RNF214: variants seen among roughly 807,000 people sequenced by gnomAD.
RNF214 encodes ring finger protein 214.
RNF214 carries 25 observed loss-of-function variants against 75.9 expected under a neutral mutation model. That is an observed-to-expected ratio of 0.33 (90% CI 0.24 to 0.46). RNF214 has a LOEUF of 0.46. Among genes scored for constraint, RNF214 ranks in the 20% least tolerant of loss-of-function variants. The pLI is 1.00. For synonymous variants in RNF214, 314 were observed against 308.8 expected (o/e 1.02, Z -0.18); for missense variants, 725 against 857.5 (o/e 0.85, Z 1.93).
intron 6 of RNF214, among the ~76,000 whole-genome samples, chr11:117,265,859 T>C (rs1310145767): frequency 2.0e-5 from 3 of 152,256 alleles, no homozygotes; most frequent in Non-Finnish European, 4.4e-5. Flanking sequence ...AGCACATACC[T>C]ATTGCTCTAC....
At chr11:117,237,937 A>G (rs1159493442) in intron 2 of RNF214, among the ~76,000 whole-genome samples, 1 of 152,214 alleles carries the variant, frequency 6.6e-6, no homozygotes, top group African/African-American at 2.4e-5. Context: ...AGAGGAATAA[A>G]AACAATACTT....
intron 6 of RNF214, among the ~76,000 whole-genome samples, chr11:117,278,466 A>G (rs1209905605): frequency 6.6e-6 from 1 of 152,224 alleles, no homozygotes; most frequent in African/African-American, 2.4e-5. Context: ...ATCAAATGTA[A>G]TATAAGGAAA....
At chr11:117,246,681 T>C (rs2033234086) in intron 5 of RNF214, 128 bp from the exon 6 acceptor site, 2 of 997,402 alleles carry the variant, frequency 2.0e-6, no homozygotes, top group South Asian at 2.5e-5. Context: ...AACCACATTC[T>C]TTCAATTCAA....
chr11:117,254,206 G>A (rs561338940), intron 6 of RNF214, among the ~76,000 whole-genome samples: 5 of 151,850 alleles, frequency 3.3e-5, no homozygotes, highest in Admixed American at 6.6e-5. Context: ...CTGAGATCGC[G>A]CCACTGAACT....
intron 6 of RNF214, among the ~76,000 whole-genome samples, chr11:117,276,633 A>T (rs1262137978): frequency 6.6e-6 from 1 of 152,074 alleles, no homozygotes; most frequent in African/African-American, 2.4e-5. Context: ...TTTCTTAACC[A>T]TTTTTGCTAT....
chr11:117,283,728 A>G (rs2034178670), intron 14 of RNF214, among the ~76,000 whole-genome samples: 2 of 152,002 alleles, frequency 1.3e-5, no homozygotes, highest in African/African-American at 4.8e-5. Flanking sequence ...TGGCACGATT[A>G]TAGCTCACTA....
chr11:117,271,503 A>G (rs2033909453), intron 6 of RNF214, among the ~76,000 whole-genome samples: 1 of 152,156 alleles, frequency 6.6e-6, no homozygotes, highest in Non-Finnish European at 1.5e-5. Context: ...GTTTGAAAAC[A>G]TTGTTTCATA....
chr11:117,235,115 GGTAAAAAAGTTTGT>G (rs1406733552), intron 2 of RNF214, among the ~76,000 whole-genome samples: 7 of 152,302 alleles, frequency 4.6e-5, no homozygotes, highest in African/African-American at 1.7e-4. Context: ...AATAATGACA[GGTAAAAAAGTTTGT>G]ACATGTTCAG....
intron 6 of RNF214, among the ~76,000 whole-genome samples, chr11:117,279,323 CTTTTTTTTTT>C (rs34196418): frequency 1.7e-4 from 18 of 104,356 alleles, no homozygotes; most frequent in Non-Finnish European, 2.5e-4. Flanking sequence ...GAGATACAAA[CTTTTTTTTTT>C]TTTTTTTTTT....
rs1197455668 is a variant in RNF214, at chr11:117,281,206, T to C, written c.1146-108T>C. The C allele has an allele frequency of 4.1e-6, 3 of 735,094 alleles. No homozygotes were observed. In the East Asian group the frequency reaches 8.5e-5, roughly 21 times the overall value. The allele number at this position is 735,094 out of a possible 1,614,324, so 45.5% of individuals were successfully genotyped here. A position where few individuals can be genotyped will look rare whatever the true frequency, so the allele number is the denominator to read the frequency against. On this transcript the variant is annotated intron_variant, in intron 8 of 14. Coordinates refer to ENST00000300650, the MANE Select transcript of RNF214 (RefSeq NM_207343.4). ...CCAGGCTGGTCTAGAACTCCTGAGC[T>C]CAAGTGATCTGCCCGCCTTGGCCTC...
intron 6 of RNF214, among the ~76,000 whole-genome samples, chr11:117,269,909 A>G (rs1252722173): frequency 1.3e-5 from 2 of 152,150 alleles, no homozygotes; most frequent in Admixed American, 6.6e-5. Flanking sequence ...TCAATTTACA[A>G]TGGGTTTATT....
chr11:117,275,475 CGAT>C (rs1228733411), intron 6 of RNF214, among the ~76,000 whole-genome samples: 1 of 152,014 alleles, frequency 6.6e-6, no homozygotes, highest in Non-Finnish European at 1.5e-5. Context: ...TTCTTTGAAA[CGAT>C]AAGCAAAAAT....
At chr11:117,241,363 C>T (rs1227734260) in intron 4 of RNF214, among the ~76,000 whole-genome samples, 1 of 151,714 alleles carries the variant, frequency 6.6e-6, no homozygotes, top group African/African-American at 2.4e-5. Context: ...GGGTAGATCA[C>T]GAGGTCAAGA....
Position 117,285,156 on chromosome 11 carries a change from C to G in RNF214, c.*5C>G. Reference sequence around the variant, plus strand: ...TTTTGTCCAACTCTTAAATGACGGACCTGACTGGGGAGGAAGAAGAAGAGA... The same window carrying G: ...TTTTGTCCAACTCTTAAATGACGGAGCTGACTGGGGAGGAAGAAGAAGAGA... On this transcript the variant is annotated 3_prime_UTR_variant, in exon 15 of 15. Transcript: ENST00000300650. 1 of 1,601,884 alleles carries G rather than the reference C, an allele frequency of 6.2e-7. No homozygotes were observed. The highest frequency in any genetic ancestry group is 8.6e-7 in the Non-Finnish European group (1 of 1,168,964).
intron 6 of RNF214, among the ~76,000 whole-genome samples, chr11:117,267,878 A>G (rs1187897891): frequency 6.6e-6 from 1 of 152,244 alleles, no homozygotes; most frequent in Non-Finnish European, 1.5e-5. Context: ...AATTTAAAAA[A>G]TGAAAATCTT....
chr11:117,266,386 G>T (rs1000083717), intron 6 of RNF214, among the ~76,000 whole-genome samples: 3 of 151,866 alleles, frequency 2.0e-5, no homozygotes, highest in Non-Finnish European at 2.9e-5. Flanking sequence ...TTGAGACAGG[G>T]TCTCACTCTG....
At position 117,279,889 on chromosome 11, in the gene RNF214, T is replaced by G; in HGVS notation, c.960-19T>G. ...TTATCTTTCTTCCTTAGTCTTGTTCTTGGTTTCTTATCTTACAGAGAGGTG... is the reference window on the plus strand; with the variant it reads ...TTATCTTTCTTCCTTAGTCTTGTTCGTGGTTTCTTATCTTACAGAGAGGTG... On this transcript the variant is annotated intron_variant, in intron 6 of 14. Coordinates refer to ENST00000300650, the MANE Select transcript of RNF214 (RefSeq NM_207343.4). The G allele has an allele frequency of 6.3e-7, 1 of 1,577,006 alleles. No individual in the cohort carries two copies. Among genetic ancestry groups the G allele is most frequent in the Admixed American group, 1.8e-5 (1 of 56,558 alleles).
Position 117,280,221 on chromosome 11 carries a change from A to C in RNF214, c.1107A>C (p.Glu369Asp), listed in dbSNP as rs769041355. 1.9e-6 allele frequency: 3 copies of C among 1,613,842 alleles called. No homozygotes were observed. Among genetic ancestry groups the C allele is most frequent in the Admixed American group, 1.7e-5 (1 of 60,034 alleles). The change falls in exon 8 of 15, where the codon GAA becomes GAC. Residue 369 changes from glutamate to aspartate, a missense_variant. Transcript: ENST00000300650. ...RKELLVLKLE[E>D]AEKEAELHLT... The stretch of plus-strand genomic sequence containing the variant: ...AGTTACTGGTACTGAAACTAGAAGA[A>C]GCAGAAAAAGAGGCAGAATTGCACC...
chr11:117,248,638 G>A (rs1044610869), intron 6 of RNF214, among the ~76,000 whole-genome samples: 1 of 152,186 alleles, frequency 6.6e-6, no homozygotes, highest in African/African-American at 2.4e-5. Context: ...TGAGAATCTA[G>A]TGATACTGAA....
Sources: gnomAD v4.1 joint callset for allele counts (sites outside exome capture counted in the v4.1 genomes callset) on GRCh38, gnomAD v4.1.1 for gene constraint, MANE v1.5 for transcripts, NCBI Gene and HGNC (gene_info 2026-07-23, HGNC 2026-07-21) for gene names.